SRCIN1: variants seen among roughly 807,000 people sequenced by gnomAD.
SRCIN1 encodes the protein SRC kinase signaling inhibitor 1, also known as P130Cas-associated protein.
In SRCIN1, 50 loss-of-function variants were observed where a neutral mutation model predicts 116.2. That is an observed-to-expected ratio of 0.43 (90% CI 0.34 to 0.54). The LOEUF (loss-of-function observed/expected upper bound fraction) is 0.54. Ranked by LOEUF, SRCIN1 falls within the 20% of genes least tolerant of loss-of-function variation. The probability of loss-of-function intolerance (pLI) is 0.02; values close to 1 mark genes in which losing one functional copy is unlikely to be tolerated. For synonymous variants in SRCIN1, 736 were observed against 750.0 expected, an observed-to-expected ratio of 0.98 and a Z score of 0.30; for missense variants, 1,446 against 1,672.0, an observed-to-expected ratio of 0.86 and a Z score of 2.36.
At chr17:38,597,579 G>A (rs3892952) in intron 1 of SRCIN1, among the ~76,000 whole-genome samples, 45,920 of 152,114 alleles carry the variant, frequency 0.3, 7,585 homozygotes, top group East Asian at 0.54. Context: ...GATCTACAGA[G>A]ACAGAAACTG....
rs1275435600 is a variant in SRCIN1 at position 38,566,866 on chromosome 17, T to TTCCTTCC, written c.345+1344_345+1345insGGAAGGA. On this transcript the variant is annotated intron_variant, in intron 3 of 18. Transcript: ENST00000617146. ...TTTTGTTTTGTTTTGTTTTGTTTCG[T>TTCCTTCC]TTCCTTCCTTCCTTCCTTCCTTCCT... Among the ~76,000 whole-genome samples the TTCCTTCC allele has an allele frequency of 5.1e-3, 677 of 131,940 alleles. 11 individuals are homozygous for TTCCTTCC. The highest frequency in any genetic ancestry group is 0.016 in the African/African-American group (543 of 33,754). 86.6% of individuals were successfully genotyped at this position (131,940 alleles called of 152,430 possible).
At chr17:38,586,883 T>A (rs1431947825) in intron 1 of SRCIN1, among the ~76,000 whole-genome samples, 1 of 152,162 alleles carries the variant, frequency 6.6e-6, no homozygotes, top group Non-Finnish European at 1.5e-5. Context: ...CACTGACACC[T>A]GCCTAGGAGG....
At chr17:38,580,663 G>A (rs1247050234) in intron 1 of SRCIN1, among the ~76,000 whole-genome samples, 1 of 152,126 alleles carries the variant, frequency 6.6e-6, no homozygotes, top group Admixed American at 6.5e-5. Flanking sequence ...AGCACCACAT[G>A]GCATGTGTGG....
chr17:38,563,534 C>T lies in SRCIN1; in HGVS notation c.542-13G>A. On this transcript the variant is annotated splice_polypyrimidine_tract_variant and intron_variant, in intron 4 of 18. Coordinates refer to ENST00000617146, the MANE Select transcript of SRCIN1 (RefSeq NM_025248.3). The surrounding 1 kb of genome is among the most constrained non-coding windows in gnomAD (Gnocchi z 5.8). ...AGGAACAGCACCCCTGCGAAGGAGACGCCGCCCTCGCTGTCACTGCTGCCG... is the reference window on the plus strand; with the variant it reads ...AGGAACAGCACCCCTGCGAAGGAGATGCCGCCCTCGCTGTCACTGCTGCCG... 1 of 1,545,218 alleles carries T rather than the reference C, an allele frequency of 6.5e-7. No individual in the cohort carries two copies.
chr17:38,562,090 G>A lies in SRCIN1; in HGVS notation c.1073C>T (p.Ala358Val), dbSNP rs1906299373. The A allele has an allele frequency of 1.4e-6, 2 of 1,440,806 alleles. No homozygotes were observed. The highest frequency in any genetic ancestry group is 1.8e-6 in the Non-Finnish European group (2 of 1,103,452). The allele number at this position is 1,440,806 out of a possible 1,614,324, so 89.3% of individuals were successfully genotyped here. A position where few individuals can be genotyped will look rare whatever the true frequency, so the allele number is the denominator to read the frequency against. Residue 358 changes from alanine (A) to valine (V), a missense_variant, in exon 7 of 19, where the codon GCC becomes GTC. Coordinates refer to ENST00000617146, the MANE Select transcript of SRCIN1 (RefSeq NM_025248.3). The surrounding 1 kb of genome is among the most constrained non-coding windows in gnomAD (Gnocchi z 4.2). ...AAERLGGAPAAQGVSPSPSAI... is the reference protein window; with the variant it reads ...AAERLGGAPAVQGVSPSPSAI... ...GCTGGGGCTGGGGCTGACGCCCTGG[G>A]CGGCCGGGGCGCCTCCCAGCCTCTC...
chr17:38,599,331 C>T (rs1275216463), intron 1 of SRCIN1, among the ~76,000 whole-genome samples: 1 of 152,192 alleles, frequency 6.6e-6, no homozygotes, highest in East Asian at 1.9e-4. Context: ...CCCTAAGGAG[C>T]AGAGGAGCAG....
intron 18 of SRCIN1, among the ~76,000 whole-genome samples, chr17:38,540,335 TC>T: frequency 6.6e-6 from 1 of 152,286 alleles, no homozygotes; most frequent in South Asian, 2.1e-4. Flanking sequence ...TCTAGTCCCC[TC>T]CATCTCAACA....
intron 1 of SRCIN1, among the ~76,000 whole-genome samples, chr17:38,596,416 G>A (rs955379933): frequency 2.9e-4 from 44 of 152,084 alleles, no homozygotes; most frequent in African/African-American, 1.0e-3. Flanking sequence ...GACAGACAGG[G>A]GGACAAACAG....
Position 38,563,271 on chromosome 17 carries a change from C to T in SRCIN1, c.740+52G>A. On this transcript the variant is annotated intron_variant, in intron 5 of 18. Coordinates refer to ENST00000617146, the MANE Select transcript of SRCIN1 (RefSeq NM_025248.3). The surrounding 1 kb of genome is among the most constrained non-coding windows in gnomAD (Gnocchi z 5.8). Reference sequence around the variant, plus strand: ...AGGGCCGGCGGGGTCCAGCACCCTGCAGAGGAGGAGCGTGGGGAAGCCCAC... The same window carrying T: ...AGGGCCGGCGGGGTCCAGCACCCTGTAGAGGAGGAGCGTGGGGAAGCCCAC... 15 of 1,546,660 alleles carry T rather than the reference C, an allele frequency of 9.7e-6. No homozygotes were observed. Among genetic ancestry groups the T allele is most frequent in the Non-Finnish European group, 1.3e-5 (15 of 1,144,668 alleles).
chr17:38,600,701 G>T (rs1469080908), intron 1 of SRCIN1, among the ~76,000 whole-genome samples: 1 of 152,266 alleles, frequency 6.6e-6, no homozygotes, highest in Non-Finnish European at 1.5e-5. Context: ...GCCGGCTGCA[G>T]TATCAGGCCT....
chr17:38,533,240 G>A lies in SRCIN1; in HGVS notation c.*57C>T. 1 of 1,512,176 alleles carries A rather than the reference G, an allele frequency of 6.6e-7. No individual in the cohort carries two copies. The highest frequency in any genetic ancestry group is 8.9e-7 in the Non-Finnish European group (1 of 1,129,108). 93.7% of individuals were successfully genotyped at this position (1,512,176 alleles called of 1,614,324 possible). A position where few individuals can be genotyped will look rare whatever the true frequency, so the allele number is the denominator to read the frequency against. On this transcript the variant is annotated 3_prime_UTR_variant, in exon 19 of 19. Transcript: ENST00000617146. ...GTGGGGTGGAGATGAAGGAAGAGAG[G>A]GGAGAAATGGCAGGAGTGAGGGAGG...
chr17:38,568,290 G>A lies in SRCIN1; in HGVS notation c.325-59C>T. The A allele has an allele frequency of 6.6e-7, 1 of 1,523,150 alleles. No individual in the cohort carries two copies. Among genetic ancestry groups the A allele is most frequent in the Non-Finnish European group, 9.1e-7 (1 of 1,104,314 alleles). 94.4% of individuals were successfully genotyped at this position (1,523,150 alleles called of 1,614,324 possible). A position where few individuals can be genotyped will look rare whatever the true frequency, so the allele number is the denominator to read the frequency against. ...AGGGGGCCCAGGAGGGGAAAAGAGG[G>A]GCAGGGGCAGGTTAGAGACCCTTGG... On this transcript the variant is annotated intron_variant, in intron 2 of 18. Coordinates refer to ENST00000617146, the MANE Select transcript of SRCIN1 (RefSeq NM_025248.3). This position sits in a 1 kb window ranked among gnomAD's most constrained non-coding sequence, Gnocchi z 4.5.
chr17:38,571,596 A>AG (rs1907080574), intron 2 of SRCIN1, among the ~76,000 whole-genome samples: 2 of 152,258 alleles, frequency 1.3e-5, no homozygotes, highest in South Asian at 4.2e-4. Context: ...ATAGTCAGGG[A>AG]GGGGGTCTCA....
In SRCIN1 at chr17:38,549,041, A is replaced by G. The variant is rs1190533729; in HGVS notation, c.3117+15T>C. 1.2e-6 allele frequency: 2 copies of G among 1,612,342 alleles called. No individual in the cohort carries two copies. Among genetic ancestry groups the G allele is most frequent in the East Asian group, 4.5e-5 (2 of 44,766 alleles). The stretch of plus-strand genomic sequence containing the variant: ...ACTCAGTCCCCTGGCCCTCTGTCTG[A>G]GGTGGGAGTGGTACCTTGATGAAGG... On this transcript the variant is annotated intron_variant, in intron 16 of 18. Transcript: ENST00000617146.
chr17:38,580,699 C>T (rs992204084), intron 1 of SRCIN1, among the ~76,000 whole-genome samples: 6 of 152,182 alleles, frequency 3.9e-5, no homozygotes, highest in African/African-American at 1.2e-4. Flanking sequence ...TGCTGCTATC[C>T]CCAACCATGG....
intron 7 of SRCIN1, 32 bp downstream of exon 7, chr17:38,561,431 C>A: frequency 6.8e-7 from 1 of 1,477,884 alleles, no homozygotes; most frequent in East Asian, 2.6e-5. Flanking sequence ...CCCCCCACCC[C>A]CAGTCCCTGA....
rs1008568582 is a variant in SRCIN1, at chr17:38,554,210, C to CA, written c.2202-1356dup. Among the ~76,000 whole-genome samples the CA allele has an allele frequency of 9.4e-3, 1,169 of 124,010 alleles. 7 individuals are homozygous for CA. The highest frequency in any genetic ancestry group is 0.022 in the African/African-American group (758 of 33,934). 81.4% of individuals were successfully genotyped at this position (124,010 alleles called of 152,430 possible). A position where few individuals can be genotyped will look rare whatever the true frequency, so the allele number is the denominator to read the frequency against. The stretch of plus-strand genomic sequence containing the variant: ...TGGGGAACAGAGTGGGACTCTGTCT[C>CA]AAAAAAAAAAAAAAGAGTTCCCCCT... On this transcript the variant is annotated intron_variant, in intron 11 of 18. Transcript: ENST00000617146.
At chr17:38,606,189 C>T (rs1190325087), upstream of SRCIN1, among the ~76,000 whole-genome samples, 1 of 151,760 alleles carries the variant, frequency 6.6e-6, no homozygotes, top group Admixed American at 6.6e-5. The surrounding 1 kb of genome is among the most constrained non-coding windows in gnomAD (Gnocchi z 5.2). Flanking sequence ...CTTCGTCCCA[C>T]CCCAAGTAGT....
Position 38,557,213 on chromosome 17 carries a change from G to A in SRCIN1, c.2201+1014C>T, listed in dbSNP as rs997999148. ...GAGGAGCAGCAACCCATCTCAAGGA[G>A]CCCGTCGCAAGAGGCTCATTTATGA... On this transcript the variant is annotated intron_variant, in intron 11 of 18. Transcript: ENST00000617146. Among the ~76,000 whole-genome samples, 29 of 152,258 alleles carry A rather than the reference G, an allele frequency of 1.9e-4. 1 individual carries two copies. Among genetic ancestry groups the A allele is most frequent in the Admixed American group, 1.6e-3 (24 of 15,288 alleles).
Sources: gnomAD v4.1 joint callset for allele counts (sites outside exome capture counted in the v4.1 genomes callset) on GRCh38, gnomAD v4.1.1 for gene constraint, Gnocchi (gnomAD v3.1) non-coding constraint, MANE v1.5 for transcripts, NCBI Gene and HGNC (gene_info 2026-07-23, HGNC 2026-07-21) for gene names.